The following VPS41 variants were observed in gnomAD, a reference collection of about 807,000 sequenced individuals.
VPS41 encodes the protein VPS41 subunit of HOPS complex.
A neutral mutation model predicts 130.9 loss-of-function variants in VPS41; 85 were observed. The ratio of observed to expected loss-of-function variants is 0.65; its 90% CI spans 0.55 to 0.78. The LOEUF is 0.78. VPS41 is among the 30% of genes least tolerant of loss of function. The pLI, the probability that VPS41 is intolerant of heterozygous loss-of-function variation, is 0.00. For missense variants in VPS41, 874 were observed against 1,018.7 expected (o/e 0.86, Z 1.93); for synonymous variants, 335 against 332.9 (o/e 1.01, Z -0.07).
intron 10 of VPS41, among the ~76,000 whole-genome samples, chr7:38,787,502 G>C (rs1784461305): frequency 6.6e-6 from 1 of 152,072 alleles, no homozygotes; most frequent in Non-Finnish European, 1.5e-5. Context: ...TTGGTGATTG[G>C]CCAAGAAGCT....
intron 17 of VPS41, among the ~76,000 whole-genome samples, chr7:38,761,152 G>C (rs1291574837): frequency 6.7e-6 from 1 of 149,642 alleles, no homozygotes; most frequent in Non-Finnish European, 1.5e-5. Context: ...TTCCTTCTCT[G>C]TTTCCCTTTC....
At chr7:38,881,572 T>C (rs1262257341) in intron 2 of VPS41, among the ~76,000 whole-genome samples, 1 of 151,982 alleles carries the variant, frequency 6.6e-6, no homozygotes, top group African/African-American at 2.4e-5. Flanking sequence ...AGCAAAAGAG[T>C]TGGAAGCTCT....
At chr7:38,729,796 T>C (rs916005418) in intron 25 of VPS41, among the ~76,000 whole-genome samples, 9 of 152,194 alleles carry the variant, frequency 5.9e-5, no homozygotes, top group African/African-American at 2.2e-4. Context: ...GGCGACACTT[T>C]ACCTTTCATG....
chr7:38,853,803 A>G (rs1785919196), intron 4 of VPS41, among the ~76,000 whole-genome samples: 2 of 152,244 alleles, frequency 1.3e-5, no homozygotes, highest in South Asian at 2.1e-4. Context: ...CATTCAGTGA[A>G]GGAATATTTT....
In VPS41 at chr7:38,726,048, A is replaced by C. The variant is rs1399501031; in HGVS notation, c.*198T>G. The C allele has an allele frequency of 5.6e-6, 3 of 533,382 alleles. No individual in the cohort carries two copies. Among genetic ancestry groups the C allele is most frequent in the African/African-American group, 3.8e-5 (2 of 52,620 alleles). The allele number at this position is 533,382 out of a possible 1,614,324, so 33.0% of individuals were successfully genotyped here. A position where few individuals can be genotyped will look rare whatever the true frequency, so the allele number is the denominator to read the frequency against. On this transcript the variant is annotated 3_prime_UTR_variant, in exon 29 of 29. Coordinates refer to ENST00000310301, the MANE Select transcript of VPS41 (RefSeq NM_014396.4). Reference sequence around the variant, plus strand: ...ATTCACTATGGACCCCAAAATTTCAAGGCATGAAGAGAGCCCCAAATTCTC... The same window carrying C: ...ATTCACTATGGACCCCAAAATTTCACGGCATGAAGAGAGCCCCAAATTCTC...
At chr7:38,734,164 C>T (rs1795720814) in intron 25 of VPS41, among the ~76,000 whole-genome samples, 1 of 152,162 alleles carries the variant, frequency 6.6e-6, no homozygotes, top group African/African-American at 2.4e-5. Context: ...TATTAATTTT[C>T]ATCTCAAAAA....
chr7:38,727,499 G>GT (rs1177657681), intron 27 of VPS41, among the ~76,000 whole-genome samples: 2 of 152,154 alleles, frequency 1.3e-5, no homozygotes, highest in Non-Finnish European at 2.9e-5. Flanking sequence ...CTTATTTTTG[G>GT]TAAGATTTAG....
At chr7:38,742,208 T>G (rs529099549) in intron 24 of VPS41, 87 bp from the exon 25 acceptor site, 11 of 1,310,746 alleles carry the variant, frequency 8.4e-6, no homozygotes, top group Non-Finnish European at 1.1e-5. Context: ...AATGCAATTT[T>G]AGATCAAAAG....
intron 7 of VPS41, among the ~76,000 whole-genome samples, chr7:38,811,593 TCATA>T (rs1784943609): frequency 7.0e-6 from 1 of 143,268 alleles, no homozygotes; most frequent in African/African-American, 2.7e-5. Context: ...ACTTGTTTTG[TCATA>T]CACACACACA....
chr7:38,867,907 T>C (rs557482489), intron 3 of VPS41, among the ~76,000 whole-genome samples: 17 of 152,234 alleles, frequency 1.1e-4, no homozygotes, highest in Admixed American at 5.9e-4. Flanking sequence ...GCTGGTAAGA[T>C]AGAGTTAGGA....
At chr7:38,767,661 G>A (rs975896865) in intron 14 of VPS41, 63 bp from the exon 15 acceptor site, 20 of 1,263,044 alleles carry the variant, frequency 1.6e-5, no homozygotes, top group Admixed American at 1.0e-4. Context: ...GTTGAGTCTC[G>A]GTTTCTGCAC....
rs1236028950 is a variant in VPS41 at position 38,772,563 on chromosome 7, C to G, written c.1087G>C (p.Asp363His). 1 of 1,613,466 alleles carries G rather than the reference C, an allele frequency of 6.2e-7. No individual in the cohort carries two copies. The highest frequency in any genetic ancestry group is 1.3e-5 in the African/African-American group (1 of 74,898). The stretch of plus-strand genomic sequence containing the variant: ...TCAAGGAGCCAGTCAATGTGATCAT[C>G]TTGGTCTCGTTCCTTGGCCACTACA... ...DVVVAKERDQ[D>H]DHIDWLLEKK... The change falls in exon 13 of 29, where the codon GAT becomes CAT. Residue 363 changes from aspartate to histidine, a missense_variant. Asp to His is a moderately conservative substitution (Grantham distance 81, BLOSUM62 -1). Coordinates refer to ENST00000310301, the MANE Select transcript of VPS41 (RefSeq NM_014396.4).
intron 2 of VPS41, among the ~76,000 whole-genome samples, chr7:38,885,171 T>A (rs1786695818): frequency 6.6e-6 from 1 of 152,206 alleles, no homozygotes. Flanking sequence ...CCTCCCAGGT[T>A]CAGGCAATTC....
chr7:38,882,520 C>T (rs773421008), intron 2 of VPS41, among the ~76,000 whole-genome samples: 1 of 152,204 alleles, frequency 6.6e-6, no homozygotes, highest in Non-Finnish European at 1.5e-5. Context: ...CCAGTCCAGA[C>T]TTGAACTACT....
chr7:38,872,312 C>T (rs551150311), intron 2 of VPS41, among the ~76,000 whole-genome samples: 4 of 152,316 alleles, frequency 2.6e-5, no homozygotes, highest in Non-Finnish European at 4.4e-5. Context: ...GTGGAAGCCC[C>T]ATCCATGTTT....
intron 3 of VPS41, among the ~76,000 whole-genome samples, chr7:38,863,704 A>G (rs568989158): frequency 1.3e-5 from 2 of 152,132 alleles, no homozygotes; most frequent in Admixed American, 6.5e-5. Context: ...TCCCCAGGGT[A>G]AAAAAAATCA....
intron 7 of VPS41, among the ~76,000 whole-genome samples, chr7:38,798,445 A>G (rs1784662128): frequency 6.6e-6 from 1 of 152,016 alleles, no homozygotes; most frequent in African/African-American, 2.4e-5. Flanking sequence ...GGCATGCACC[A>G]CCATGTCTGG....
At chr7:38,836,384 C>G (rs920356348) in intron 4 of VPS41, among the ~76,000 whole-genome samples, 2 of 151,916 alleles carry the variant, frequency 1.3e-5, no homozygotes, top group Non-Finnish European at 2.9e-5. Context: ...TAAATATTTC[C>G]CATTTCTTGG....
chr7:38,726,353 T>G (rs748400863), intron 28 of VPS41, 27 bp from the exon 29 acceptor site: 4 of 1,562,720 alleles, frequency 2.6e-6, no homozygotes, highest in Non-Finnish European at 3.5e-6. Flanking sequence ...AAAACACATA[T>G]TTAAAAAATG....
Sources: allele counts gnomAD v4.1 joint callset (sites outside exome capture counted in the v4.1 genomes callset), GRCh38; gene constraint gnomAD v4.1.1; transcripts MANE v1.5; gene names NCBI Gene and HGNC (gene_info 2026-07-23, HGNC 2026-07-21).